The following RFC3 variants were observed in gnomAD, a reference collection of about 807,000 sequenced individuals.
RFC3 encodes replication factor C subunit 3.
In RFC3, 41 loss-of-function variants were observed where a neutral mutation model predicts 45.1. The ratio of observed to expected loss-of-function variants is 0.91; its 90% CI spans 0.71 to 1.18. The LOEUF is 1.18. RFC3 is among the 50% of genes most tolerant of loss of function. RFC3 has a pLI of 0.00. For synonymous variants in RFC3, 149 were observed against 144.0 expected (o/e 1.03, Z -0.25); for missense variants, 423 against 428.1 (o/e 0.99, Z 0.10).
chr13:33,859,123 C>T (rs2082324814), intron 8 of RFC3, among the ~76,000 whole-genome samples: 2 of 152,158 alleles, frequency 1.3e-5, no homozygotes, highest in African/African-American at 4.8e-5. Flanking sequence ...TTATTTGACA[C>T]TCAAAAGTCA....
chr13:33,828,471 A>G (rs1449123282), intron 4 of RFC3, among the ~76,000 whole-genome samples: 1 of 152,154 alleles, frequency 6.6e-6, no homozygotes, highest in African/African-American at 2.4e-5. Context: ...GTCAAACCTT[A>G]CTGCATCAGG....
chr13:33,936,774 C>G (rs1177731022), intron 8 of RFC3, among the ~76,000 whole-genome samples: 2 of 152,122 alleles, frequency 1.3e-5, no homozygotes, highest in African/African-American at 4.8e-5. Context: ...CAGTAAACTT[C>G]AGTTATTGTG....
At position 33,898,964 on chromosome 13, in the gene RFC3, A is replaced by G. The variant is rs748422349; in HGVS notation, c.879+63747A>G. 5.3e-5 allele frequency among the ~76,000 whole-genome samples: 8 copies of G among 151,900 alleles called. No homozygotes were observed. The South Asian group carries it at 6.2e-4, about 12-fold the overall frequency. On this transcript the variant is annotated intron_variant, in intron 8 of 8. Coordinates refer to the RFC3 transcript ENST00000434425. ...CCAAGATTGAACCATGAAGAAATTA[A>G]AAACCTCCACAAACCAATAACAAGT... is the stretch of plus-strand genomic sequence containing the variant.
intron 8 of RFC3, among the ~76,000 whole-genome samples, chr13:33,855,635 C>T (rs1593641397): frequency 6.6e-6 from 1 of 152,248 alleles, no homozygotes; most frequent in Admixed American, 6.5e-5. Flanking sequence ...CTTGCCAGCA[C>T]TGGTTATTTT....
intron 8 of RFC3, among the ~76,000 whole-genome samples, chr13:33,878,386 A>G (rs1208960953): frequency 1.3e-5 from 2 of 152,140 alleles, no homozygotes; most frequent in Non-Finnish European, 2.9e-5. Flanking sequence ...CTGGAAATGG[A>G]TGTGAAGTGC....
At chr13:33,820,411 A>T (rs1422532168) in intron 1 of RFC3, among the ~76,000 whole-genome samples, 2 of 152,222 alleles carry the variant, frequency 1.3e-5, no homozygotes, top group East Asian at 3.8e-4. Context: ...TCAAGAAAGA[A>T]CTCATCAGAG....
chr13:33,883,326 A>G (rs996721963), intron 8 of RFC3, among the ~76,000 whole-genome samples: 1 of 152,196 alleles, frequency 6.6e-6, no homozygotes, highest in South Asian at 2.1e-4. Flanking sequence ...TTAAAATTGC[A>G]TAATTTTTGT....
At chr13:33,875,681 G>A (rs2082441362) in intron 8 of RFC3, among the ~76,000 whole-genome samples, 1 of 152,112 alleles carries the variant, frequency 6.6e-6, no homozygotes, top group Admixed American at 6.5e-5. Flanking sequence ...ATTCACCTCA[G>A]GTTTCAAGGC....
intron 8 of RFC3, among the ~76,000 whole-genome samples, chr13:33,919,242 T>C (rs187804635): frequency 6.6e-6 from 1 of 152,260 alleles, no homozygotes; most frequent in East Asian, 1.9e-4. Context: ...TTCTAATTGG[T>C]AGAAATAAAT....
At chr13:33,969,536 A>G (rs181693749), downstream of RFC3, among the ~76,000 whole-genome samples, 6 of 152,346 alleles carry the variant, frequency 3.9e-5, no homozygotes, top group East Asian at 9.6e-4. Flanking sequence ...GGCAGTTACA[A>G]TAAAATCAAA....
intron 8 of RFC3, among the ~76,000 whole-genome samples, chr13:33,892,404 C>T (rs9315267): frequency 0.11 from 17,427 of 152,156 alleles, 2,046 homozygotes; most frequent in African/African-American, 0.3. Context: ...GCAGCCTCAG[C>T]CTGAAAACAT....
chr13:33,848,123 T>C (rs1041286005), intron 8 of RFC3: 7 of 152,214 alleles, frequency 4.6e-5, no homozygotes, highest in African/African-American at 1.7e-4. Context: ...AACACCTATC[T>C]GACGTTCGTT....
In RFC3 at chr13:33,950,317, A is replaced by G. The variant is rs115406694; in HGVS notation, c.880-15770A>G. The stretch of plus-strand genomic sequence containing the variant: ...AAAGAATAAAATGACTGCTAGTACA[A>G]TTTTGGTGCCTCTGGCTAAGGAACT... On this transcript the variant is annotated intron_variant, in intron 8 of 8. Transcript: ENST00000434425. Among the ~76,000 whole-genome samples, 947 of 152,330 alleles carry G rather than the reference A, an allele frequency of 6.2e-3. 10 individuals carry two copies. Among genetic ancestry groups the G allele is most frequent in the African/African-American group, 0.021 (886 of 41,570 alleles).
intron 8 of RFC3, among the ~76,000 whole-genome samples, chr13:33,931,566 C>T (rs1321888429): frequency 6.6e-6 from 1 of 152,072 alleles, no homozygotes. Context: ...AAATTACTGT[C>T]ACAGTGTGGG....
downstream of RFC3, among the ~76,000 whole-genome samples, chr13:33,838,665 T>C (rs1032888334): frequency 2.0e-5 from 3 of 152,150 alleles, no homozygotes; most frequent in Non-Finnish European, 4.4e-5. Flanking sequence ...TTGAGTTTCT[T>C]GAATCAGATT....
intron 8 of RFC3, among the ~76,000 whole-genome samples, chr13:33,858,944 A>G (rs948959909): frequency 6.6e-6 from 1 of 152,166 alleles, no homozygotes; most frequent in Non-Finnish European, 1.5e-5. Context: ...CATTCACAAC[A>G]TACAGTATAC....
At chr13:33,838,622 A>G (rs947572474), downstream of RFC3, among the ~76,000 whole-genome samples, 1 of 151,888 alleles carries the variant, frequency 6.6e-6, no homozygotes, top group Non-Finnish European at 1.5e-5. Flanking sequence ...GTCTACATGT[A>G]GTTTTCTTTG....
At chr13:33,915,322 C>T (rs1423138401) in intron 8 of RFC3, among the ~76,000 whole-genome samples, 2 of 152,138 alleles carry the variant, frequency 1.3e-5, no homozygotes, top group African/African-American at 2.4e-5. Flanking sequence ...AGTACACTTG[C>T]ACCCTTTTCT....
chr13:33,825,990 T>C, intron 4 of RFC3, 104 bp downstream of exon 4: 1 of 523,084 alleles, frequency 1.9e-6, no homozygotes, highest in Non-Finnish European at 3.3e-6. Context: ...ATCTCTGGGC[T>C]CATGGGAGTT....
Sources: gnomAD v4.1 joint callset for allele counts (sites outside exome capture counted in the v4.1 genomes callset) on GRCh38, gnomAD v4.1.1 for gene constraint, MANE v1.5 for transcripts, NCBI Gene and HGNC (gene_info 2026-07-23, HGNC 2026-07-21) for gene names.